Variants in RASSF3 observed in about 807,000 individuals in gnomAD.
RASSF3 encodes Ras association domain family member 3.
A neutral mutation model predicts 19.9 loss-of-function variants in RASSF3; 19 were observed. The ratio of observed to expected loss-of-function variants is 0.96; its 90% CI spans 0.67 to 1.40. The LOEUF (loss-of-function observed/expected upper bound fraction) is 1.40. Ranked by LOEUF, RASSF3 falls within the 40% of genes most tolerant of loss-of-function variation. The pLI, the probability that RASSF3 is intolerant of heterozygous loss-of-function variation, is 0.00. For missense variants in RASSF3, 306 were observed against 289.8 expected, an observed-to-expected ratio of 1.06 and a Z score of -0.41; for synonymous variants, 110 against 104.2, an observed-to-expected ratio of 1.06 and a Z score of -0.34.
intron 1 of RASSF3, among the ~76,000 whole-genome samples, chr12:64,525,807 A>G (rs1179607568): frequency 6.6e-6 from 1 of 152,112 alleles, no homozygotes; most frequent in African/African-American, 2.4e-5. Flanking sequence ...ATATAGATCT[A>G]CTGTCAGAAT....
chr12:64,542,519 G>A (rs1868950839), downstream of RASSF3, among the ~76,000 whole-genome samples: 1 of 152,202 alleles, frequency 6.6e-6, no homozygotes, highest in Non-Finnish European at 1.5e-5. Context: ...GGTACAGCTG[G>A]CAGTGATGCC....
intron 1 of RASSF3, among the ~76,000 whole-genome samples, chr12:64,620,020 G>GTGTGTGTGTGTGTA (rs1171509305): frequency 6.6e-6 from 1 of 150,454 alleles, no homozygotes; most frequent in African/African-American, 2.4e-5. Flanking sequence ...TTGACTGTGT[G>GTGTGTGTGTGTGTA]TGTGTGTGTG....
upstream of RASSF3, among the ~76,000 whole-genome samples, chr12:64,609,879 A>C (rs1187446662): frequency 6.6e-6 from 1 of 152,224 alleles, no homozygotes. Context: ...GAAAAGGGTA[A>C]GACCGAAGCT....
At chr12:64,553,868 T>C (rs1010978630) in intron 2 of RASSF3, among the ~76,000 whole-genome samples, 12 of 151,078 alleles carry the variant, frequency 7.9e-5, no homozygotes, top group African/African-American at 2.9e-4. Context: ...TCTTAGCAAC[T>C]CGAGAGGCTG....
At chr12:64,525,411 A>G (rs533544052) in intron 1 of RASSF3, among the ~76,000 whole-genome samples, 1 of 152,338 alleles carries the variant, frequency 6.6e-6, no homozygotes, top group South Asian at 2.1e-4. Context: ...TATAACTAGA[A>G]GACTGCTTCC....
chr12:64,610,122 A>G (rs1384866894), upstream of RASSF3, among the ~76,000 whole-genome samples: 2 of 152,080 alleles, frequency 1.3e-5, no homozygotes, highest in African/African-American at 2.4e-5. Context: ...GGACGCAGAG[A>G]AAGTTCCCCG....
chr12:64,586,491 GAAAAAAAAA>G (rs10708538), intron 2 of RASSF3, among the ~76,000 whole-genome samples: 5 of 70,148 alleles, frequency 7.1e-5, no homozygotes, highest in African/African-American at 1.8e-4. Context: ...CTCCTTCTCA[GAAAAAAAAA>G]AAAAAAAAAA....
upstream of RASSF3, among the ~76,000 whole-genome samples, chr12:64,607,162 T>G (rs1870208054): frequency 6.6e-6 from 1 of 151,410 alleles, no homozygotes; most frequent in Middle Eastern, 3.2e-3. Flanking sequence ...CATATGCCTG[T>G]AGTCCCAGCT....
chr12:64,572,249 AATTCG>A (rs1357615879), intron 2 of RASSF3, among the ~76,000 whole-genome samples: 1 of 151,872 alleles, frequency 6.6e-6, no homozygotes, highest in African/African-American at 2.4e-5. Context: ...TTTGGGAGAC[AATTCG>A]ATTTAGATGA....
At chr12:64,599,987 G>A (rs1163178486) in intron 2 of RASSF3, among the ~76,000 whole-genome samples, 2 of 142,358 alleles carry the variant, frequency 1.4e-5, no homozygotes, top group African/African-American at 2.7e-5. Flanking sequence ...AGCCAAGATC[G>A]CGCCACTGCA....
At chr12:64,550,920 T>C (rs1272194555) in intron 2 of RASSF3, among the ~76,000 whole-genome samples, 1 of 150,316 alleles carries the variant, frequency 6.7e-6, no homozygotes, top group Non-Finnish European at 1.5e-5. Context: ...GCCGGCTCAC[T>C]GCTAAGGGAA....
At chr12:64,560,003 G>A (rs1322085434) in intron 2 of RASSF3, among the ~76,000 whole-genome samples, 2 of 152,240 alleles carry the variant, frequency 1.3e-5, no homozygotes, top group African/African-American at 4.8e-5. Flanking sequence ...CTGTTGCCTT[G>A]CTGGAGAGGG....
chr12:64,516,304 T>C (rs1868364408), intron 1 of RASSF3, among the ~76,000 whole-genome samples: 1 of 152,168 alleles, frequency 6.6e-6, no homozygotes. Flanking sequence ...TGGGATATAA[T>C]GTGACTGAAA....
At chr12:64,511,831 G>A (rs1868330451) in intron 1 of RASSF3, among the ~76,000 whole-genome samples, 1 of 151,956 alleles carries the variant, frequency 6.6e-6, no homozygotes, top group African/African-American at 2.4e-5. Flanking sequence ...TCTCAGGATG[G>A]TCAAAAAATC....
intron 4 of RASSF3, 71 bp downstream of exon 4, chr12:64,691,650 G>GACTT: frequency 9.4e-7 from 1 of 1,066,988 alleles, no homozygotes; most frequent in Admixed American, 1.9e-5. Context: ...GTAGCCTAGT[G>GACTT]ACTTGGCTAT....
intron 1 of RASSF3, among the ~76,000 whole-genome samples, chr12:64,527,067 C>T (rs1253213566): frequency 6.6e-6 from 1 of 152,184 alleles, no homozygotes; most frequent in Non-Finnish European, 1.5e-5. Context: ...ATCTTGGCTA[C>T]TGTGAATGGT....
intron 2 of RASSF3, among the ~76,000 whole-genome samples, chr12:64,578,352 A>G (rs1263395698): frequency 6.6e-6 from 1 of 152,182 alleles, no homozygotes; most frequent in Non-Finnish European, 1.5e-5. Context: ...GGTTATTGTT[A>G]TCATTTTAAG....
At chr12:64,548,077 C>T (rs143713649) in intron 2 of RASSF3, among the ~76,000 whole-genome samples, 1,851 of 152,150 alleles carry the variant, frequency 0.012, 47 homozygotes, top group Admixed American at 0.047. Flanking sequence ...TGTTTCCTGC[C>T]GCTCTATATT....
chr12:64,642,559 CAAAAAAAAAAAAAAAAAA>C (rs67771603), intron 1 of RASSF3, among the ~76,000 whole-genome samples: 2 of 43,992 alleles, frequency 4.5e-5, no homozygotes, highest in South Asian at 1.4e-3. Context: ...GACTCCATCT[CAAAAAAAAAAAAAAAAAA>C]AAAAAAAAAA....
Sources: allele counts gnomAD v4.1 joint callset (sites outside exome capture counted in the v4.1 genomes callset), GRCh38; gene constraint gnomAD v4.1.1; transcripts MANE v1.5; gene names NCBI Gene and HGNC (gene_info 2026-07-23, HGNC 2026-07-21).